PDIA4: variants seen among roughly 807,000 people sequenced by gnomAD.
PDIA4 encodes the protein protein disulfide isomerase family A member 4, also known as protein disulfide-isomerase A4.
A neutral mutation model predicts 62.1 loss-of-function variants in PDIA4; 33 were observed. That is an observed-to-expected ratio of 0.53 (90% confidence interval 0.40 to 0.71). The LOEUF (loss-of-function observed/expected upper bound fraction) is 0.71, where lower values mean the gene tolerates loss of function less well. Among genes scored for constraint, PDIA4 ranks in the 30% least tolerant of loss-of-function variants. The pLI is 0.00. For missense variants in PDIA4, 804 were observed against 813.6 expected (o/e 0.99, Z 0.14); for synonymous variants, 341 against 324.1 (o/e 1.05, Z -0.56).
intron 3 of PDIA4, among the ~76,000 whole-genome samples, chr7:149,018,151 C>T (rs1824208620): frequency 6.6e-6 from 1 of 151,992 alleles, no homozygotes; most frequent in South Asian, 2.1e-4. Flanking sequence ...ATCGCTTGAA[C>T]CCAGGAGGCG....
At chr7:149,011,793 G>A (rs1020299613) in intron 6 of PDIA4, 53 bp downstream of exon 6, 11 of 1,442,596 alleles carry the variant, frequency 7.6e-6, no homozygotes, top group East Asian at 2.3e-5. Context: ...CCAGGCAACC[G>A]CAGACGGCCC....
At chr7:149,014,837 G>A in intron 4 of PDIA4, 67 bp downstream of exon 4, 1 of 1,503,474 alleles carries the variant, frequency 6.7e-7, no homozygotes, top group East Asian at 2.3e-5. Context: ...CACGGGCAGG[G>A]GCCTGCCACC....
Position 149,005,252 on chromosome 7 carries a change from C to A in PDIA4, c.1411G>T (p.Gly471Trp), listed in dbSNP as rs1439393272. Residue 471 changes from glycine (G) to tryptophan (W), a missense_variant, in exon 9 of 10, where the codon GGG becomes TGG. Transcript: ENST00000652332. ...AGGATGGCGGCATTGACATCCTCCC[C>A]ACTCTCGCTGAGCCCCAGGTCCTTC... ...EVKDLGLSES[G>W]EDVNAAILDE... is the part of the protein sequence containing the mutation. 6.2e-7 allele frequency: 1 copy of A among 1,614,154 alleles called. No homozygotes were observed. The highest frequency in any genetic ancestry group is 2.2e-5 in the East Asian group (1 of 44,888).
chr7:149,008,002 G>A (rs1823819641), intron 7 of PDIA4, among the ~76,000 whole-genome samples, 157 bp downstream of exon 7: 1 of 152,246 alleles, frequency 6.6e-6, no homozygotes, highest in Non-Finnish European at 1.5e-5. Flanking sequence ...GCCGCCTGCA[G>A]AAAACCTGTG....
chr7:149,024,407 C>T (rs1331822781), intron 1 of PDIA4, among the ~76,000 whole-genome samples: 1 of 152,154 alleles, frequency 6.6e-6, no homozygotes, highest in Admixed American at 6.5e-5. Flanking sequence ...CTAGCTCTAG[C>T]CTTCTATCTA....
At position 149,011,884 on chromosome 7, in the gene PDIA4, C is replaced by T; in HGVS notation, c.941G>A (p.Gly314Glu). ...TTGCTGGTAGGCTGGGTCACTCTCC[C>T]CCTTAAAGACCCCGATGATGATGAC... ...DDVIIIGVFK[G>E]ESDPAYQQYQ... The change falls in exon 6 of 10, where the codon GGG (glycine) becomes GAG (glutamate). Residue 314 changes from glycine to glutamate, a missense_variant. By Grantham distance (98) the Gly-to-Glu change is moderately conservative. Coordinates refer to ENST00000652332, the MANE Select transcript of PDIA4 (RefSeq NM_004911.5). 6.3e-7 allele frequency: 1 copy of T among 1,598,618 alleles called. No individual in the cohort carries two copies. The highest frequency in any genetic ancestry group is 2.2e-5 in the East Asian group (1 of 44,794).
chr7:149,013,394 T>C (rs1011927881), intron 4 of PDIA4, among the ~76,000 whole-genome samples: 9 of 152,138 alleles, frequency 5.9e-5, no homozygotes, highest in South Asian at 2.1e-4. Context: ...AAACCATTTG[T>C]TGGCTGGCAC....
At position 149,024,076 on chromosome 7, in the gene PDIA4, G is replaced by A. The variant is rs901754346; in HGVS notation, c.89-2929C>T. Among the ~76,000 whole-genome samples, 8 of 152,148 alleles carry A rather than the reference G, an allele frequency of 5.3e-5. No homozygotes were observed. In the East Asian group the frequency reaches 5.8e-4, roughly 11 times the overall value. ...AGCCTGGCCAACATGGCAAAACCCC[G>A]TCTTTACTAAAAGTACAAAAATTAG... On this transcript the variant is annotated intron_variant, in intron 1 of 9. Transcript: ENST00000652332.
intron 1 of PDIA4, among the ~76,000 whole-genome samples, chr7:149,026,202 TG>T (rs762201274): frequency 1.3e-5 from 2 of 152,116 alleles, no homozygotes; most frequent in Non-Finnish European, 2.9e-5. Context: ...TGACAGTGAA[TG>T]GCCGAGGGAT....
intron 3 of PDIA4, among the ~76,000 whole-genome samples, chr7:149,018,243 A>G (rs1290136421): frequency 6.6e-6 from 1 of 152,004 alleles, no homozygotes; most frequent in African/African-American, 2.4e-5. Context: ...AAAAAATAAA[A>G]AAGAAATGCA....
intron 3 of PDIA4, among the ~76,000 whole-genome samples, chr7:149,017,144 C>T (rs539935236): frequency 2.6e-5 from 4 of 152,012 alleles, no homozygotes; most frequent in East Asian, 3.9e-4. Flanking sequence ...CTATGAGGAC[C>T]GGAAGCCTAT....
At chr7:149,015,851 G>A (rs574924131) in intron 3 of PDIA4, among the ~76,000 whole-genome samples, 3 of 152,230 alleles carry the variant, frequency 2.0e-5, no homozygotes, top group African/African-American at 7.2e-5. Context: ...CCACACCCAG[G>A]GGTCCTGAGG....
intron 7 of PDIA4, among the ~76,000 whole-genome samples, chr7:149,007,059 T>C (rs945757360): frequency 4.6e-5 from 7 of 152,018 alleles, no homozygotes; most frequent in African/African-American, 1.7e-4. Flanking sequence ...ATCTTATCTC[T>C]GGATGGAAGG....
Position 149,019,198 on chromosome 7 carries a change from C to G in PDIA4, c.270-1G>C, listed in dbSNP as rs373102191. The G allele has an allele frequency of 8.1e-6, 13 of 1,608,740 alleles. No homozygotes were observed. Among genetic ancestry groups the G allele is most frequent in the African/African-American group, 1.3e-5 (1 of 74,778 alleles). On this transcript the variant is annotated splice_acceptor_variant, in intron 2 of 9. Transcript: ENST00000652332. LOFTEE classifies it high-confidence loss of function. ...AGCAAACTGCTTGCAATGTCCACAC[C>G]TAACAATTAGATTAGGAAGGGCAAA... is the stretch of plus-strand genomic sequence containing the variant.
intron 1 of PDIA4, among the ~76,000 whole-genome samples, chr7:149,025,322 C>A (rs1421091310): frequency 1.3e-5 from 2 of 152,114 alleles, no homozygotes; most frequent in East Asian, 3.9e-4. Context: ...ACACAGGCAG[C>A]TCCTTTTAGG....
intron 7 of PDIA4, among the ~76,000 whole-genome samples, chr7:149,006,771 A>G (rs1823772039): frequency 6.6e-6 from 1 of 152,218 alleles, no homozygotes; most frequent in African/African-American, 2.4e-5. Flanking sequence ...CTGGGAGGCC[A>G]TGCTAAGGCA....
intron 3 of PDIA4, among the ~76,000 whole-genome samples, chr7:149,017,397 A>G (rs907822097): frequency 6.6e-6 from 1 of 152,184 alleles, no homozygotes; most frequent in Non-Finnish European, 1.5e-5. Flanking sequence ...CAGCCTGACC[A>G]ACATGGAGAA....
Position 149,005,404 on chromosome 7 carries a change from C to A in PDIA4, c.1289-30G>T, listed in dbSNP as rs7777113. ...AAGGGACCAAGGGCCATAAGCCAGG[C>A]GGCCACACAGAGCAAGTCCCAGCTC... On this transcript the variant is annotated intron_variant, in intron 8 of 9. Coordinates refer to ENST00000652332, the MANE Select transcript of PDIA4 (RefSeq NM_004911.5). The A allele has an allele frequency of 5.4e-6, 8 of 1,480,664 alleles. No homozygotes were observed. In the Admixed American group the frequency reaches 8.4e-5, roughly 15 times the overall value. The allele number at this position is 1,480,664 out of a possible 1,614,324, so 91.7% of individuals were successfully genotyped here. A position where few individuals can be genotyped will look rare whatever the true frequency, so the allele number is the denominator to read the frequency against.
At chr7:149,011,248 A>T (rs1455132654) in intron 6 of PDIA4, among the ~76,000 whole-genome samples, 1 of 152,184 alleles carries the variant, frequency 6.6e-6, no homozygotes, top group Non-Finnish European at 1.5e-5. Flanking sequence ...AGGCATCAGG[A>T]GCCAGACCAA....
Sources: allele counts gnomAD v4.1 joint callset (sites outside exome capture counted in the v4.1 genomes callset), GRCh38; gene constraint gnomAD v4.1.1; transcripts MANE v1.5; gene names NCBI Gene and HGNC (gene_info 2026-07-23, HGNC 2026-07-21).